DND1: variants seen among roughly 807,000 people sequenced by gnomAD.
DND1 encodes the protein DND microRNA-mediated repression inhibitor 1, also known as dead end protein homolog 1.
In DND1, 6 loss-of-function variants were observed where a neutral mutation model predicts 30.4. That is an observed-to-expected ratio of 0.20 (90% CI 0.11 to 0.39). The LOEUF (loss-of-function observed/expected upper bound fraction) is 0.39, where lower values mean the gene tolerates loss of function less well. DND1 is among the 10% of genes least tolerant of loss of function. The pLI is 1.00. For missense variants in DND1, 358 were observed against 474.9 expected, an observed-to-expected ratio of 0.75 and a Z score of 2.29; for synonymous variants, 178 against 210.4, an observed-to-expected ratio of 0.85 and a Z score of 1.33.
chr5:140,673,290 C>A lies in DND1; in HGVS notation c.123G>T (p.Lys41Asn). 1.2e-6 allele frequency: 2 copies of A among 1,613,966 alleles called. No homozygotes were observed. Among genetic ancestry groups the A allele is most frequent in the Non-Finnish European group, 1.7e-6 (2 of 1,180,002 alleles). The change falls in exon 2 of 4, where the codon AAG (lysine) becomes AAT (asparagine). Residue 41 changes from lysine (K) to asparagine (N), a missense_variant. Lys to Asn is a moderately conservative substitution (Grantham distance 94, BLOSUM62 0). Around this residue, in one of 3 missense-constraint regions of DND1, gnomAD observed 120 missense variants for 199.1 expected, o/e 0.60. Coordinates refer to ENST00000542735, the MANE Select transcript of DND1 (RefSeq NM_194249.3). The part of the protein sequence containing the change: ...IRLVQVNGQR[K>N]YGGPPPGWVG... ...CCGTACCTGGGGGTGGCCCGCCATACTTCCTCTGCCCGTTCACCTGCACCA... is the reference window on the plus strand; with the variant it reads ...CCGTACCTGGGGGTGGCCCGCCATAATTCCTCTGCCCGTTCACCTGCACCA...
At chr5:140,672,407 C>T (rs1232379438) in intron 3 of DND1, 38 bp downstream of exon 3, 29 of 1,551,902 alleles carry the variant, frequency 1.9e-5, no homozygotes, top group Non-Finnish European at 2.5e-5. Context: ...CCGGGCAGAA[C>T]GCGTTTGGCC....
In DND1 at chr5:140,672,729, G is replaced by T; in HGVS notation, c.320C>A (p.Ser107Ter). 6.3e-7 allele frequency: 1 copy of T among 1,586,982 alleles called. No homozygotes were observed. The highest frequency in any genetic ancestry group is 8.5e-7 in the Non-Finnish European group (1 of 1,173,930). ...GATGGCGGCCTGCGCGCCGCGCCTC[G>T]AGCTGTAGCGGGCATAGGCGAAGCC... ...NRGFAYARYS[S>*]RRGAQAAIAT... The change falls in exon 3 of 4, where the codon TCG becomes TAG. Residue 107 changes from serine (S) to a stop codon, truncating the protein, a stop_gained. Transcript: ENST00000542735. LOFTEE classifies it high-confidence loss of function.
intron 2 of DND1, 27 bp downstream of exon 2, chr5:140,673,236 TAGCCGGAC>T: frequency 6.2e-7 from 1 of 1,607,450 alleles, no homozygotes; most frequent in Non-Finnish European, 8.5e-7. Context: ...GGGGCTGGTG[TAGCCGGAC>T]AGGCGGAGGG....
chr5:140,671,104 A>G lies in DND1; in HGVS notation c.*189T>C, dbSNP rs1021168673. On this transcript the variant is annotated 3_prime_UTR_variant, in exon 4 of 4. Coordinates refer to ENST00000542735, the MANE Select transcript of DND1 (RefSeq NM_194249.3). ...GAGCGGGAGGGCAAGGCCCCTCACC[A>G]CAACTTAACCCAAACCTAAGCTGCC... The G allele has an allele frequency of 2.7e-6, 2 of 739,080 alleles. No individual in the cohort carries two copies. Among genetic ancestry groups the G allele is most frequent in the East Asian group, 2.7e-5 (1 of 36,846 alleles). The allele number at this position is 739,080 out of a possible 1,614,324, so 45.8% of individuals were successfully genotyped here.
chr5:140,671,231 G>A lies in DND1; in HGVS notation c.*62C>T. 4 of 1,603,618 alleles carry A rather than the reference G, an allele frequency of 2.5e-6. No homozygotes were observed. The highest frequency in any genetic ancestry group is 3.4e-6 in the Non-Finnish European group (4 of 1,172,910). The stretch of plus-strand genomic sequence containing the variant: ...CAGAAAGTGGCCACCCAGGCCTGCT[G>A]GGATGGGGCCTGACACAGGCTCTGC... On this transcript the variant is annotated 3_prime_UTR_variant, in exon 4 of 4. Coordinates refer to ENST00000542735, the MANE Select transcript of DND1 (RefSeq NM_194249.3).
intron 2 of DND1, 112 bp downstream of exon 2, chr5:140,673,159 G>C (rs370899851): frequency 8.8e-6 from 11 of 1,252,676 alleles, no homozygotes; most frequent in South Asian, 3.6e-5. Flanking sequence ...TCCTTTGCTG[G>C]GGGGTATAAA....
Position 140,672,687 on chromosome 5 carries a change from T to C in DND1, c.362A>G (p.His121Arg). ...CAGCGGGCAGGACGGCCGCAGCGGA[T>C]GGTTGTGCAGCGTGGCGATGGCGGC... The part of the protein sequence containing the change: ...AQAAIATLHN[H>R]PLRPSCPLLV... Residue 121 changes from histidine (H) to arginine (R), a missense_variant, in exon 3 of 4, where the codon CAT becomes CGT. His to Arg is a conservative substitution (Grantham distance 29, BLOSUM62 0). Around this residue, in one of 3 missense-constraint regions of DND1, gnomAD observed 120 missense variants for 199.1 expected, o/e 0.60. Coordinates refer to ENST00000542735, the MANE Select transcript of DND1 (RefSeq NM_194249.3). 4 of 1,581,350 alleles carry C rather than the reference T, an allele frequency of 2.5e-6. No homozygotes were observed. The highest frequency in any genetic ancestry group is 3.4e-6 in the Non-Finnish European group (4 of 1,171,754).
Position 140,673,318 on chromosome 5 carries a change from C to G in DND1, c.95G>C (p.Arg32Pro), listed in dbSNP as rs1227400817. Residue 32 changes from arginine (R) to proline (P), a missense_variant, in exon 2 of 4, where the codon CGC becomes CCC. By Grantham distance (103) the Arg-to-Pro change is moderately radical. Transcript: ENST00000542735. ...LEAWVRETGI[R>P]LVQVNGQRKY... ...CCTCTGCCCGTTCACCTGCACCAGGCGGATGCCTGTCTCCCTGACCCACGC... is the reference window on the plus strand; with the variant it reads ...CCTCTGCCCGTTCACCTGCACCAGGGGGATGCCTGTCTCCCTGACCCACGC... 6.2e-7 allele frequency: 1 copy of G among 1,614,000 alleles called. No individual in the cohort carries two copies. Among genetic ancestry groups the G allele is most frequent in the African/African-American group, 1.3e-5 (1 of 74,914 alleles).
rs1371394420 is a variant in DND1 at position 140,673,379 on chromosome 5, C to T, written c.34G>A (p.Glu12Lys). ...GCCTTGTTCTCTGGATTCACCCTCT[C>T]ACACCACAGCTGAGAGGGAAAGGAA... is the stretch of plus-strand genomic sequence containing the variant. The part of the protein sequence containing the change: ...QSKRDCELWC[E>K]RVNPENKAAL... The change falls in exon 2 of 4, where the codon GAG (glutamate) becomes AAG (lysine). Residue 12 changes from glutamate (E) to lysine (K), a missense_variant. Physicochemically the swap from Glu to Lys is moderately conservative, Grantham distance 56 (BLOSUM62 1). This residue lies in a region of DND1 where 120 missense variants were observed against 199.1 expected (regional missense o/e 0.60). Transcript: ENST00000542735. 2 of 1,614,174 alleles carry T rather than the reference C, an allele frequency of 1.2e-6. No homozygotes were observed. Among genetic ancestry groups the T allele is most frequent in the Non-Finnish European group, 1.7e-6 (2 of 1,180,004 alleles).
At chr5:140,673,025 C>T in intron 2 of DND1, 119 bp from the exon 3 acceptor site, 5 of 1,216,592 alleles carry the variant, frequency 4.1e-6, no homozygotes, top group Non-Finnish European at 3.5e-6. Context: ...TGGGTTTACA[C>T]CCGTACCCTG....
rs1177486716 is a variant in DND1, at chr5:140,672,881, A to G, written c.168T>C (p.Ala56=). 3 of 1,539,500 alleles carry G rather than the reference A, an allele frequency of 1.9e-6. No homozygotes were observed. The highest frequency in any genetic ancestry group is 2.6e-6 in the Non-Finnish European group (3 of 1,148,076). ...PPGWVGSPPP[A]GSEVFIGRLP... is the part of the protein sequence containing the mutation. ...GCCGCCCGATGAACACCTCTGACCCAGCTGGCGGCGGGCTGCCCACCCAGC... is the reference window on the plus strand; with the variant it reads ...GCCGCCCGATGAACACCTCTGACCCGGCTGGCGGCGGGCTGCCCACCCAGC... Residue 56 remains alanine (A), a synonymous_variant, in exon 3 of 4, where the codon GCT becomes GCC. Transcript: ENST00000542735.
intron 2 of DND1, 117 bp downstream of exon 2, chr5:140,673,154 T>C (rs1758139486): frequency 4.1e-6 from 5 of 1,231,116 alleles, no homozygotes; most frequent in African/African-American, 1.5e-5. Context: ...GTTCCTCCTT[T>C]GCTGGGGGGT....
chr5:140,671,867 T>C lies in DND1; in HGVS notation c.605-117A>G, dbSNP rs1758085249. On this transcript the variant is annotated intron_variant, in intron 3 of 3. Transcript: ENST00000542735. ...TTGTAGCCTTCCCATTTCCTGGTAG[T>C]GTGACCATGGGTAAGAAAAGACAAT... The C allele has an allele frequency of 6.0e-6, 7 of 1,164,444 alleles. No individual in the cohort carries two copies. The East Asian group carries it at 1.0e-4, about 17-fold the overall frequency. The allele number at this position is 1,164,444 out of a possible 1,614,324, so 72.1% of individuals were successfully genotyped here.
At chr5:140,673,456 G>GGTCC in intron 1 of DND1, 63 bp downstream of exon 1, 1 of 1,613,462 alleles carries the variant, frequency 6.2e-7, no homozygotes, top group Non-Finnish European at 8.5e-7. Flanking sequence ...GTGGTACTGG[G>GGTCC]GTCCCTAAAG....
rs1416180711 is a variant in DND1, at chr5:140,672,430, C to G, written c.604+15G>C. ...AACGCGTTTGGCCCCAACCAGCACC[C>G]CCGCCCCAGCCTACCTTCCACCAGG... On this transcript the variant is annotated intron_variant, in intron 3 of 3. Transcript: ENST00000542735. 1 of 1,584,146 alleles carries G rather than the reference C, an allele frequency of 6.3e-7. No homozygotes were observed. Among genetic ancestry groups the G allele is most frequent in the Non-Finnish European group, 8.6e-7 (1 of 1,166,606 alleles).
At chr5:140,672,060 C>G in intron 3 of DND1, 1 of 559,296 alleles carries the variant, frequency 1.8e-6, no homozygotes, top group South Asian at 2.1e-5. Flanking sequence ...TGCTAAGTAC[C>G]GTACACCCAT....
chr5:140,672,847 C>G lies in DND1; in HGVS notation c.202G>C (p.Asp68His). 1 of 1,545,464 alleles carries G rather than the reference C, an allele frequency of 6.5e-7. No homozygotes were observed. The highest frequency in any genetic ancestry group is 8.7e-7 in the Non-Finnish European group (1 of 1,151,324). Residue 68 changes from aspartate to histidine, a missense_variant, in exon 3 of 4, where the codon GAC becomes CAC. Around this residue, in one of 3 missense-constraint regions of DND1, gnomAD observed 120 missense variants for 199.1 expected, o/e 0.60. Transcript: ENST00000542735. The part of the protein sequence containing the change: ...SEVFIGRLPQ[D>H]VYEHQLIPLF... ...GGGATAAGCTGGTGCTCGTACACGT[C>G]CTGAGGCAGCCGCCCGATGAACACC...
Position 140,673,108 on chromosome 5 carries a change from C to T in DND1, c.142+163G>A, listed in dbSNP as rs575817262. On this transcript the variant is annotated intron_variant, in intron 2 of 3. Coordinates refer to ENST00000542735, the MANE Select transcript of DND1 (RefSeq NM_194249.3). The stretch of plus-strand genomic sequence containing the variant: ...GAGTAGGTACACCTTGAGATTGGCC[C>T]CCTCCCTCGACGGGGCGGGTGGACG... The T allele has an allele frequency of 3.0e-6, 3 of 1,015,040 alleles. No individual in the cohort carries two copies. In the African/African-American group the frequency reaches 4.7e-5, roughly 16 times the overall value. The allele number at this position is 1,015,040 out of a possible 1,614,324, so 62.9% of individuals were successfully genotyped here. A position where few individuals can be genotyped will look rare whatever the true frequency, so the allele number is the denominator to read the frequency against.
At position 140,671,053 on chromosome 5, in the gene DND1, C is replaced by G. The variant is rs190826909; in HGVS notation, c.*240G>C. 1.9e-4 allele frequency: 115 copies of G among 597,370 alleles called. No individual in the cohort carries two copies. The highest frequency in any genetic ancestry group is 1.5e-3 in the African/African-American group (81 of 53,920). The allele number at this position is 597,370 out of a possible 1,614,324, so 37.0% of individuals were successfully genotyped here. On this transcript the variant is annotated 3_prime_UTR_variant, in exon 4 of 4. Transcript: ENST00000542735. The stretch of plus-strand genomic sequence containing the variant: ...GACAAGGAACGGCCATGGAAGATCA[C>G]TGGGTCAGGTTGGACCCTGGGCTGG...
Sources: gnomAD v4.1 joint callset for allele counts on GRCh38, gnomAD v4.1.1 for gene constraint, gnomAD v4.1.1 regional missense constraint, MANE v1.5 for transcripts, NCBI Gene and HGNC (gene_info 2026-07-23, HGNC 2026-07-21) for gene names.